Variants in PEPD observed in about 807,000 individuals in gnomAD.
The protein encoded by PEPD is xaa-Pro dipeptidase.
A neutral mutation model predicts 60.7 loss-of-function variants in PEPD; 53 were observed. The observed-to-expected ratio is 0.87, with a 90% CI of 0.70 to 1.10. PEPD has a LOEUF of 1.10. PEPD is among the 50% of genes least tolerant of loss of function. The pLI, the probability that PEPD is intolerant of heterozygous loss-of-function variation, is 0.00. For synonymous variants in PEPD, 267 were observed against 284.1 expected (o/e 0.94, Z 0.60); for missense variants, 711 against 711.9 (o/e 1.00, Z 0.01).
At chr19:33,433,925 T>C (rs879646982) in intron 9 of PEPD, among the ~76,000 whole-genome samples, 2 of 152,196 alleles carry the variant, frequency 1.3e-5, no homozygotes, top group African/African-American at 2.4e-5. Context: ...TATCAAAATA[T>C]ATGCCAGTAA....
chr19:33,449,971 G>A (rs1969666192), intron 9 of PEPD, among the ~76,000 whole-genome samples: 1 of 152,206 alleles, frequency 6.6e-6, no homozygotes, highest in South Asian at 2.1e-4. Context: ...AGCATGTGAT[G>A]CCCCCGCTTG....
At chr19:33,470,407 T>C (rs2145284974) in intron 7 of PEPD, among the ~76,000 whole-genome samples, 2 of 152,038 alleles carry the variant, frequency 1.3e-5, no homozygotes, top group South Asian at 4.2e-4. Flanking sequence ...CCATGTGCTC[T>C]CCCAGCCTCC....
In PEPD at chr19:33,418,863, G is replaced by A. The variant is rs146342462; in HGVS notation, c.672-5220C>T. Among the ~76,000 whole-genome samples, 9 of 152,340 alleles carry A rather than the reference G, an allele frequency of 5.9e-5. 1 individual carries two copies. In the East Asian group the frequency reaches 1.5e-3, roughly 26 times the overall value. On this transcript the variant is annotated intron_variant, in intron 9 of 14. Transcript: ENST00000244137. ...CATTCACGTGATGTGTCACCAAGAAGGGACTGACCTGAAGCCTCGGACTAA... is the reference window on the plus strand; with the variant it reads ...CATTCACGTGATGTGTCACCAAGAAAGGACTGACCTGAAGCCTCGGACTAA...
Position 33,511,153 on chromosome 19 carries a change from C to T in PEPD, c.204G>A (p.Glu68=). 1 of 1,614,070 alleles carries T rather than the reference C, an allele frequency of 6.2e-7. No individual in the cohort carries two copies. Among genetic ancestry groups the T allele is most frequent in the South Asian group, 1.1e-5 (1 of 91,076 alleles). ...CTDTGVLFRQ[E]SFFHWAFGVT... is the part of the protein sequence containing the mutation. ...CACCGAACGCCCAGTGAAAGAAGGA[C>T]TCCTGTGGCGGGAACAAGAACTATT... is the stretch of plus-strand genomic sequence containing the variant. Residue 68 remains glutamate, a splice_region_variant and synonymous_variant, in exon 3 of 15, where the codon GAG becomes GAA. Transcript: ENST00000244137.
chr19:33,417,201 G>A (rs1176237932), intron 9 of PEPD, among the ~76,000 whole-genome samples: 3 of 152,266 alleles, frequency 2.0e-5, no homozygotes, highest in African/African-American at 7.2e-5. Flanking sequence ...GTGAGGCAGT[G>A]TAAGGGGTGG....
intron 13 of PEPD, chr19:33,388,660 G>A (rs754874001): frequency 2.5e-5 from 5 of 197,292 alleles, no homozygotes; most frequent in Admixed American, 5.2e-5. Context: ...CAAATGTGCC[G>A]TGTGCGCGTG....
chr19:33,511,109 T>C lies in PEPD; in HGVS notation c.248A>G (p.Tyr83Cys), dbSNP rs376397947. The C allele has an allele frequency of 7.2e-5, 116 of 1,613,494 alleles. 1 individual carries two copies. The highest frequency in any genetic ancestry group is 4.9e-4 in the Middle Eastern group (3 of 6,084). ...WAFGVTEPGCYGVIDVDTGKS... is the reference protein window; with the variant it reads ...WAFGVTEPGCCGVIDVDTGKS... Reference sequence around the variant, plus strand: ...CCCAGTGTCAACATCGATGACACCATAGCAGCCTGGCTCAGTGACACCGAA... The same window carrying C: ...CCCAGTGTCAACATCGATGACACCACAGCAGCCTGGCTCAGTGACACCGAA... Residue 83 changes from tyrosine to cysteine, a missense_variant, in exon 3 of 15, where the codon TAT (tyrosine) becomes TGT (cysteine). Physicochemically the swap from Tyr to Cys is radical, Grantham distance 194 (BLOSUM62 -2). Coordinates refer to ENST00000244137, the MANE Select transcript of PEPD (RefSeq NM_000285.4).
chr19:33,392,308 TAGAG>T (rs1177715003), intron 12 of PEPD, among the ~76,000 whole-genome samples: 2 of 152,202 alleles, frequency 1.3e-5, no homozygotes, highest in African/African-American at 2.4e-5. Flanking sequence ...AGGAGGCCCT[TAGAG>T]AGCTCTCCAC....
rs1039858434 is a variant in PEPD, at chr19:33,493,722, C to T, written c.394-385G>A. 2.6e-5 allele frequency among the ~76,000 whole-genome samples: 4 copies of T among 152,136 alleles called. No homozygotes were observed. In the South Asian group the frequency reaches 8.3e-4, roughly 32 times the overall value. On this transcript the variant is annotated intron_variant, in intron 4 of 14. Coordinates refer to ENST00000244137, the MANE Select transcript of PEPD (RefSeq NM_000285.4). Reference sequence around the variant, plus strand: ...CCCGGGAACCCTTTAGGCTCCAGGCCTACCAGCCTCTGGTTCCTAGGGCAG... The same window carrying T: ...CCCGGGAACCCTTTAGGCTCCAGGCTTACCAGCCTCTGGTTCCTAGGGCAG...
At chr19:33,483,935 C>G (rs1274590829) in intron 6 of PEPD, among the ~76,000 whole-genome samples, 1 of 152,172 alleles carries the variant, frequency 6.6e-6, no homozygotes, top group Non-Finnish European at 1.5e-5. Flanking sequence ...AGGGACCCTC[C>G]ATGGCTTCGT....
chr19:33,420,702 A>AAAATAAATAAATAAATAAATAAAT (rs61576295), intron 9 of PEPD, among the ~76,000 whole-genome samples: 1 of 149,192 alleles, frequency 6.7e-6, no homozygotes, highest in African/African-American at 2.5e-5. Flanking sequence ...ACTCTGTCTC[A>AAAATAAATAAATAAATAAATAAAT]AAATAAATAA....
In PEPD at chr19:33,511,165, G is replaced by A. The variant is rs751190431; in HGVS notation, c.202-10C>T. ...AGTGAAAGAAGGACTCCTGTGGCGG[G>A]AACAAGAACTATTGTTAGCCAGTGG... is the stretch of plus-strand genomic sequence containing the variant. On this transcript the variant is annotated splice_polypyrimidine_tract_variant and intron_variant, in intron 2 of 14. Transcript: ENST00000244137. The A allele has an allele frequency of 2.0e-5, 32 of 1,613,760 alleles. No homozygotes were observed. The highest frequency in any genetic ancestry group is 2.7e-5 in the Non-Finnish European group (32 of 1,179,846).
chr19:33,475,930 G>A (rs1970205780), intron 7 of PEPD, among the ~76,000 whole-genome samples: 1 of 152,168 alleles, frequency 6.6e-6, no homozygotes, highest in Admixed American at 6.5e-5. Flanking sequence ...CATAATCATG[G>A]CTCACTGCAG....
At position 33,387,239 on chromosome 19, in the gene PEPD, T is replaced by A. The variant is rs1968091426; in HGVS notation, c.*105A>T. 1 of 1,360,260 alleles carries A rather than the reference T, an allele frequency of 7.4e-7. No individual in the cohort carries two copies. Among genetic ancestry groups the A allele is most frequent in the African/African-American group, 1.4e-5 (1 of 70,396 alleles). 84.3% of individuals were successfully genotyped at this position (1,360,260 alleles called of 1,614,324 possible). ...TCAAATGCCGAAGCTGGGATCTGAT[T>A]CTGGGTGCCGTCTCTCGCTACTGGA... is the stretch of plus-strand genomic sequence containing the variant. On this transcript the variant is annotated 3_prime_UTR_variant, in exon 15 of 15. Coordinates refer to ENST00000244137, the MANE Select transcript of PEPD (RefSeq NM_000285.4).
chr19:33,428,016 T>C (rs528833302), intron 9 of PEPD, among the ~76,000 whole-genome samples: 15 of 152,092 alleles, frequency 9.9e-5, no homozygotes, highest in African/African-American at 3.6e-4. Context: ...TGGGCAGCAC[T>C]CTCCTGGCCC....
intron 9 of PEPD, among the ~76,000 whole-genome samples, chr19:33,441,411 G>A (rs1454762325): frequency 1.3e-5 from 2 of 152,216 alleles, no homozygotes; most frequent in Admixed American, 1.3e-4. Flanking sequence ...CACTGGGGTT[G>A]GTGACCACAT....
At chr19:33,400,930 G>A (rs754302159) in intron 12 of PEPD, among the ~76,000 whole-genome samples, 3 of 152,192 alleles carry the variant, frequency 2.0e-5, no homozygotes, top group East Asian at 1.9e-4. Context: ...TGGGGACAGC[G>A]GGAGGTGCCC....
chr19:33,490,092 C>A, intron 5 of PEPD, 35 bp from the exon 6 acceptor site: 6 of 1,503,512 alleles, frequency 4.0e-6, no homozygotes, highest in Non-Finnish European at 5.5e-6. Context: ...ACACACGGGG[C>A]CGCATGGCGC....
intron 11 of PEPD, among the ~76,000 whole-genome samples, chr19:33,403,461 C>T (rs1193078207): frequency 1.3e-5 from 2 of 152,184 alleles, no homozygotes; most frequent in South Asian, 2.1e-4. Flanking sequence ...GGCACAGCCG[C>T]GGCTTCCGTC....
Sources: gnomAD v4.1 joint callset for allele counts (sites outside exome capture counted in the v4.1 genomes callset) on GRCh38, gnomAD v4.1.1 for gene constraint, MANE v1.5 for transcripts, NCBI Gene and HGNC (gene_info 2026-07-23, HGNC 2026-07-21) for gene names.